PTPRD: variants seen among roughly 807,000 people sequenced by gnomAD.
The protein encoded by PTPRD is protein tyrosine phosphatase receptor type D.
In PTPRD, 34 loss-of-function variants were observed where a neutral mutation model predicts 214.5. The ratio of observed to expected loss-of-function variants is 0.16; its 90% CI spans 0.12 to 0.21. PTPRD has a LOEUF of 0.21. Among genes scored for constraint, PTPRD ranks in the 10% least tolerant of loss-of-function variants. The pLI is 1.00. For missense variants in PTPRD, 2,545 were observed against 2,398.7 expected (o/e 1.06, Z -1.27); for synonymous variants, 1,128 against 845.7 (o/e 1.33, Z -5.79).
intron 4 of PTPRD, among the ~76,000 whole-genome samples, chr9:9,991,184 T>G (rs944392254): frequency 6.6e-6 from 1 of 152,042 alleles, no homozygotes; most frequent in African/African-American, 2.4e-5. Context: ...TCTGTCTGCT[T>G]CGGCCTCCCA....
intron 9 of PTPRD, among the ~76,000 whole-genome samples, chr9:9,292,973 A>G (rs548019090): frequency 6.6e-6 from 1 of 151,566 alleles, no homozygotes; most frequent in East Asian, 2.0e-4. Context: ...TTTCATCTTG[A>G]TTACCTGCTT....
At chr9:9,774,811 T>C (rs1294527726) in intron 5 of PTPRD, among the ~76,000 whole-genome samples, 3 of 152,222 alleles carry the variant, frequency 2.0e-5, no homozygotes, top group African/African-American at 7.2e-5. Flanking sequence ...GTTAACATAT[T>C]GTAAACCTGG....
At chr9:9,671,008 C>A (rs985439283) in intron 7 of PTPRD, among the ~76,000 whole-genome samples, 2 of 152,160 alleles carry the variant, frequency 1.3e-5, no homozygotes, top group East Asian at 3.9e-4. Flanking sequence ...AAGAAGAGGG[C>A]CACCATACTC....
At chr9:9,609,114 G>C (rs143131292) in intron 7 of PTPRD, among the ~76,000 whole-genome samples, 18 of 152,216 alleles carry the variant, frequency 1.2e-4, no homozygotes, top group African/African-American at 4.1e-4. Flanking sequence ...CTTACAATTT[G>C]TGCACATATA....
At chr9:9,906,693 T>C (rs1490570931) in intron 5 of PTPRD, among the ~76,000 whole-genome samples, 1 of 151,964 alleles carries the variant, frequency 6.6e-6, no homozygotes, top group Non-Finnish European at 1.5e-5. Context: ...GTATTATATG[T>C]AGACAATTCA....
At chr9:9,955,521 G>GTTTTTTT (rs1194987444) in intron 4 of PTPRD, among the ~76,000 whole-genome samples, 3 of 145,546 alleles carry the variant, frequency 2.1e-5, no homozygotes, top group African/African-American at 7.9e-5. Flanking sequence ...GTTTTGTTTT[G>GTTTTTTT]TTTTGTTTTT....
At chr9:10,335,280 C>T (rs2096825356) in intron 3 of PTPRD, among the ~76,000 whole-genome samples, 1 of 151,708 alleles carries the variant, frequency 6.6e-6, no homozygotes, top group Admixed American at 6.6e-5. Context: ...GAAACAGACT[C>T]ACATAAACAT....
At chr9:8,683,010 T>G (rs1215425580) in intron 12 of PTPRD, among the ~76,000 whole-genome samples, 1 of 152,198 alleles carries the variant, frequency 6.6e-6, no homozygotes, top group South Asian at 2.1e-4. Context: ...TCTAGAGAGA[T>G]GAGTTTTAAC....
intron 3 of PTPRD, among the ~76,000 whole-genome samples, chr9:10,090,841 A>C (rs1052059737): frequency 6.7e-6 from 1 of 148,790 alleles, no homozygotes; most frequent in Non-Finnish European, 1.5e-5. Context: ...TGTATCAATC[A>C]CCATGTAATA....
intron 6 of PTPRD, among the ~76,000 whole-genome samples, chr9:9,751,522 G>A (rs2098519445): frequency 6.6e-6 from 1 of 152,144 alleles, no homozygotes; most frequent in Non-Finnish European, 1.5e-5. Flanking sequence ...CTCAGAATGT[G>A]ACTTTCTTTG....
chr9:10,578,124 G>C (rs1048472576), intron 2 of PTPRD, among the ~76,000 whole-genome samples: 4 of 151,866 alleles, frequency 2.6e-5, no homozygotes, highest in Admixed American at 1.3e-4. Context: ...TGGTTAGGTT[G>C]GTCTCAAACT....
chr9:9,394,505 C>T (rs566716331), intron 9 of PTPRD, among the ~76,000 whole-genome samples: 19 of 152,196 alleles, frequency 1.2e-4, no homozygotes, highest in Admixed American at 9.8e-4. Flanking sequence ...TAACACTTAC[C>T]AGTTACGTAA....
At chr9:9,553,242 A>G (rs2080755277) in intron 8 of PTPRD, among the ~76,000 whole-genome samples, 1 of 152,092 alleles carries the variant, frequency 6.6e-6, no homozygotes, top group Non-Finnish European at 1.5e-5. Context: ...GTTTCTGAGA[A>G]ATTGTTATAC....
chr9:10,425,113 C>A (rs1386184096), intron 2 of PTPRD, among the ~76,000 whole-genome samples: 1 of 151,908 alleles, frequency 6.6e-6, no homozygotes, highest in Non-Finnish European at 1.5e-5. Flanking sequence ...TAATAAGAGT[C>A]TTGGTGTTCA....
intron 7 of PTPRD, among the ~76,000 whole-genome samples, chr9:9,646,318 G>GTGTGTGT (rs1564283052): frequency 1.2e-4 from 16 of 137,236 alleles, no homozygotes; most frequent in African/African-American, 4.2e-4. Context: ...TGTGTGTGTG[G>GTGTGTGT]GTGTGTGTGT....
chr9:9,002,260 T>C (rs1048001433), intron 11 of PTPRD, among the ~76,000 whole-genome samples: 1 of 151,912 alleles, frequency 6.6e-6, no homozygotes, highest in African/African-American at 2.4e-5. Context: ...TTCAGAAAAA[T>C]CACACTTGTA....
At position 10,376,272 on chromosome 9, in the gene PTPRD, C is replaced by G. The variant is rs559129174; in HGVS notation, c.-599-35255G>C. 2.0e-5 allele frequency among the ~76,000 whole-genome samples: 3 copies of G among 151,694 alleles called. No individual in the cohort carries two copies. In the East Asian group the frequency reaches 5.9e-4, roughly 30 times the overall value. Reference sequence around the variant, plus strand: ...TTTTTTCTGTTTCCTGCTGCATTACCTTGGAAACTTTGGATCTGAACAGTG... The same window carrying G: ...TTTTTTCTGTTTCCTGCTGCATTACGTTGGAAACTTTGGATCTGAACAGTG... On this transcript the variant is annotated intron_variant, in intron 2 of 45. Coordinates refer to ENST00000381196, the MANE Select transcript of PTPRD (RefSeq NM_002839.4).
chr9:10,324,950 G>A (rs1344096399), intron 3 of PTPRD, among the ~76,000 whole-genome samples: 2 of 151,860 alleles, frequency 1.3e-5, no homozygotes, highest in Non-Finnish European at 2.9e-5. Flanking sequence ...AATATATAAT[G>A]TACTTTCCTA....
intron 7 of PTPRD, among the ~76,000 whole-genome samples, chr9:9,710,706 A>G (rs2097709376): frequency 1.3e-5 from 2 of 152,136 alleles, no homozygotes; most frequent in African/African-American, 4.8e-5. Flanking sequence ...TCTTTAAGGT[A>G]TGAAGTACTA....
Sources: gnomAD v4.1 joint callset for allele counts (sites outside exome capture counted in the v4.1 genomes callset) on GRCh38, gnomAD v4.1.1 for gene constraint, MANE v1.5 for transcripts, NCBI Gene and HGNC (gene_info 2026-07-23, HGNC 2026-07-21) for gene names.